Variants in GUSB observed in about 807,000 individuals in gnomAD.
GUSB encodes glucuronidase beta.
In GUSB, 51 loss-of-function variants were observed where a neutral mutation model predicts 74.6. The ratio of observed to expected loss-of-function variants is 0.68; its 90% CI spans 0.55 to 0.86. The LOEUF (loss-of-function observed/expected upper bound fraction) is 0.86. Ranked by LOEUF, GUSB falls within the 40% of genes least tolerant of loss-of-function variation. GUSB has a pLI of 0.00. For synonymous variants in GUSB, 360 were observed against 348.3 expected (o/e 1.03, Z -0.37); for missense variants, 736 against 853.7 (o/e 0.86, Z 1.72).
chr7:65,976,793 C>T (rs1332804216), intron 4 of GUSB, among the ~76,000 whole-genome samples: 3 of 151,740 alleles, frequency 2.0e-5, no homozygotes, highest in East Asian at 2.0e-4. Flanking sequence ...ATCAGCCGGT[C>T]GTGGTGGTGC....
In GUSB at chr7:65,982,072, A is replaced by T; in HGVS notation, c.112T>A (p.Cys38Ser). Reference sequence around the variant, plus strand: ...CTCCAGAGGCCGTCCAGCTCCTTGCACTCCCGCGACGGGCTCTCCTGGGGG... The same window carrying T: ...CTCCAGAGGCCGTCCAGCTCCTTGCTCTCCCGCGACGGGCTCTCCTGGGGG... ...LYPQESPSRE[C>S]KELDGLWSFR... The change falls in exon 1 of 12, where the codon TGC (cysteine) becomes AGC (serine). Residue 38 changes from cysteine to serine, a missense_variant. Cys to Ser is a moderately radical substitution (Grantham distance 112). This residue lies in a region of GUSB where 368 missense variants were observed against 363.8 expected (regional missense o/e 1.01). Transcript: ENST00000304895. 2 of 1,607,692 alleles carry T rather than the reference A, an allele frequency of 1.2e-6. No individual in the cohort carries two copies. Among genetic ancestry groups the T allele is most frequent in the Non-Finnish European group, 1.7e-6 (2 of 1,178,052 alleles).
chr7:65,980,184 T>TTGG, intron 2 of GUSB, 40 bp downstream of exon 2: 1 of 720,096 alleles, frequency 1.4e-6, no homozygotes, highest in Non-Finnish European at 2.5e-6. Flanking sequence ...TCAGCAGCCG[T>TTGG]GCCCCCCCAC....
At chr7:65,972,460 A>G (rs560438196) in intron 8 of GUSB, among the ~76,000 whole-genome samples, 2 of 152,252 alleles carry the variant, frequency 1.3e-5, no homozygotes, top group South Asian at 2.1e-4. Flanking sequence ...CACCGCACCC[A>G]GCCTAGACTG....
At chr7:65,981,745 G>C in intron 1 of GUSB, 2 of 514,560 alleles carry the variant, frequency 3.9e-6, no homozygotes, top group Non-Finnish European at 6.9e-6. Flanking sequence ...TTTACCTCGG[G>C]AAAGGGCTCG....
chr7:65,966,604 T>C (rs1486468981), intron 10 of GUSB, among the ~76,000 whole-genome samples: 2 of 152,026 alleles, frequency 1.3e-5, no homozygotes, highest in African/African-American at 2.4e-5. Flanking sequence ...ACCAGCCTGA[T>C]AGACTCCATC....
rs188494920 is a variant in GUSB at position 65,981,258 on chromosome 7, C to A, written c.210+716G>T. ...TTTTTTTTTTTTTTGGAGACGTAGTCTCACTATGTCGCCCAAGTTGGAGTG... is the reference window on the plus strand; with the variant it reads ...TTTTTTTTTTTTTTGGAGACGTAGTATCACTATGTCGCCCAAGTTGGAGTG... On this transcript the variant is annotated intron_variant, in intron 1 of 11. Coordinates refer to ENST00000304895, the MANE Select transcript of GUSB (RefSeq NM_000181.4). Among the ~76,000 whole-genome samples, 5 of 124,300 alleles carry A rather than the reference C, an allele frequency of 4.0e-5. No homozygotes were observed. In the East Asian group the frequency reaches 1.2e-3, roughly 31 times the overall value. The allele number at this position is 124,300 out of a possible 152,430, so 81.5% of individuals were successfully genotyped here.
chr7:65,981,097 T>G (rs1022431062), intron 1 of GUSB, among the ~76,000 whole-genome samples: 1 of 151,884 alleles, frequency 6.6e-6, no homozygotes. Flanking sequence ...GTGGCCAGAG[T>G]GTGTGGGTGG....
chr7:65,970,132 G>A (rs529150170), intron 9 of GUSB, 150 bp downstream of exon 9: 510 of 647,816 alleles, frequency 7.9e-4, no homozygotes, highest in Non-Finnish European at 1.3e-3. Context: ...AACATGGCAA[G>A]ACCCTGTCTC....
chr7:65,961,290 G>A (rs1170668213), intron 11 of GUSB, among the ~76,000 whole-genome samples: 7 of 151,836 alleles, frequency 4.6e-5, no homozygotes, highest in African/African-American at 9.7e-5. Flanking sequence ...CACCATGCCC[G>A]GTAATCTTTT....
In GUSB at chr7:65,980,234, T is replaced by C; in HGVS notation, c.386A>G (p.Tyr129Cys). 1 of 1,335,762 alleles carries C rather than the reference T, an allele frequency of 7.5e-7. No homozygotes were observed. The highest frequency in any genetic ancestry group is 1.2e-5 in the South Asian group (1 of 86,556). The allele number at this position is 1,335,762 out of a possible 1,614,324, so 82.7% of individuals were successfully genotyped here. The change falls in exon 2 of 12, where the codon TAT (tyrosine) becomes TGT (cysteine). Residue 129 changes from tyrosine (Y) to cysteine (C), a missense_variant. Tyr to Cys is a radical substitution (Grantham distance 194, BLOSUM62 -2). Around this residue, in one of 2 missense-constraint regions of GUSB, gnomAD observed 368 missense variants for 363.8 expected, o/e 1.01. Transcript: ENST00000304895. ...VVLRIGSAHS[Y>C]AIVWVNGVDT... ...CCTGGCCGCACTGACCACGATGGCA[T>C]AGGAATGGGCACTGCCAATCCTCAG... is the stretch of plus-strand genomic sequence containing the variant.
At chr7:65,973,678 A>T (rs1304916210) in intron 8 of GUSB, among the ~76,000 whole-genome samples, 1 of 152,112 alleles carries the variant, frequency 6.6e-6, no homozygotes, top group East Asian at 1.9e-4. Flanking sequence ...AATCACTTGA[A>T]CCTGAGCGGC....
rs767292825 is a variant in GUSB, at chr7:65,980,342, C to T, written c.278G>A (p.Arg93Gln). 15 of 1,613,720 alleles carry T rather than the reference C, an allele frequency of 9.3e-6. No individual in the cohort carries two copies. In the Middle Eastern group the frequency reaches 4.9e-4, roughly 53 times the overall value. Residue 93 changes from arginine (R) to glutamine (Q), a missense_variant, in exon 2 of 12, where the codon CGG (arginine) becomes CAG (glutamine). Arg to Gln is a conservative substitution (Grantham distance 43). Transcript: ENST00000304895. ...GTACCACACCCAGCCGACAAAATGC[C>T]GCAGACGCCAGTCCTGGCTGATGTC... Reference protein sequence around the residue: ...FNDISQDWRLRHFVGWVWYER... With the variant: ...FNDISQDWRLQHFVGWVWYER...
rs1159683641 is a variant in GUSB at position 65,967,878 on chromosome 7, G to A, written c.1506C>T (p.Asn502=). The A allele has an allele frequency of 6.2e-7, 1 of 1,602,962 alleles. No individual in the cohort carries two copies. The highest frequency in any genetic ancestry group is 1.1e-5 in the South Asian group (1 of 91,082). Residue 502 remains asparagine (N), a synonymous_variant, in exon 10 of 12, where the codon AAC becomes AAT. Transcript: ENST00000304895. ...AGTCGTGATACCAAGAGTAGTAGCT[G>A]TTCAAACAGATCACATCCACATACG... ...GAPYVDVICL[N]SYYSWYHDYG...
intron 11 of GUSB, among the ~76,000 whole-genome samples, chr7:65,962,678 G>C (rs189920981): frequency 3.3e-5 from 5 of 152,106 alleles, no homozygotes; most frequent in African/African-American, 1.2e-4. Context: ...TTCAAGCCCA[G>C]CCTGACCAAC....
chr7:65,973,617 C>T (rs1460186212), intron 8 of GUSB, among the ~76,000 whole-genome samples: 1 of 151,660 alleles, frequency 6.6e-6, no homozygotes, highest in East Asian at 2.0e-4. Context: ...CTTAGCTGGG[C>T]GTGGTGGCAT....
intron 1 of GUSB, 145 bp downstream of exon 1, chr7:65,981,829 C>A: frequency 1.4e-6 from 1 of 695,156 alleles, no homozygotes; most frequent in Non-Finnish European, 2.3e-6. Context: ...TCCCCCAAGC[C>A]GGCGCCCCCA....
intron 9 of GUSB, among the ~76,000 whole-genome samples, chr7:65,968,318 T>C (rs1269336793): frequency 6.6e-6 from 1 of 151,164 alleles, no homozygotes; most frequent in East Asian, 1.9e-4. Flanking sequence ...GATCCTGAAA[T>C]TACCCTGCCA....
Position 65,961,016 on chromosome 7 carries a change from T to C in GUSB, c.1837A>G (p.Arg613Gly). ...AGGAACGCTGCACTTTTTGGTTGTC[T>C]CTGCCGAGTGAAGATCCCCTTTTTA... Reference protein sequence around the residue: ...GNKKGIFTRQRQPKSAAFLLR... With the variant: ...GNKKGIFTRQGQPKSAAFLLR... The change falls in exon 12 of 12, where the codon AGA becomes GGA. Residue 613 changes from arginine to glycine, a missense_variant. This residue lies in a region of GUSB where 368 missense variants were observed against 489.9 expected (regional missense o/e 0.75). Coordinates refer to ENST00000304895, the MANE Select transcript of GUSB (RefSeq NM_000181.4). The C allele has an allele frequency of 6.2e-7, 1 of 1,613,596 alleles. No homozygotes were observed. Among genetic ancestry groups the C allele is most frequent in the Non-Finnish European group, 8.5e-7 (1 of 1,179,884 alleles).
chr7:65,968,987 AC>A (rs1562677431), intron 9 of GUSB, among the ~76,000 whole-genome samples: 1 of 152,196 alleles, frequency 6.6e-6, no homozygotes, highest in Non-Finnish European at 1.5e-5. Flanking sequence ...ACCGAGTAGG[AC>A]CACCCCAAGC....
Sources: allele counts gnomAD v4.1 joint callset (sites outside exome capture counted in the v4.1 genomes callset), GRCh38; gene constraint gnomAD v4.1.1; regional missense constraint gnomAD v4.1.1; transcripts MANE v1.5; gene names NCBI Gene and HGNC (gene_info 2026-07-23, HGNC 2026-07-21).